The following ADAMTSL1 variants were observed in gnomAD, a reference collection of about 807,000 sequenced individuals.
The protein encoded by ADAMTSL1 is ADAMTS-like protein 1.
In ADAMTSL1, 126 loss-of-function variants were observed where a neutral mutation model predicts 201.8. The ratio of observed to expected loss-of-function variants is 0.62; its 90% CI spans 0.54 to 0.72. ADAMTSL1 has a LOEUF of 0.72. Ranked by LOEUF, ADAMTSL1 falls within the 30% of genes least tolerant of loss-of-function variation. The pLI is 0.00. For missense variants in ADAMTSL1, 2,679 were observed against 2,277.8 expected (o/e 1.18, Z -3.59); for synonymous variants, 1,121 against 903.4 (o/e 1.24, Z -4.32).
At chr9:18,599,440 G>A (rs1033954942) in intron 4 of ADAMTSL1, among the ~76,000 whole-genome samples, 3 of 152,094 alleles carry the variant, frequency 2.0e-5, no homozygotes, top group Non-Finnish European at 4.4e-5. Context: ...TCAGTTTAGA[G>A]GAGCACTGAT....
chr9:18,705,563 T>C (rs1042116195), intron 13 of ADAMTSL1, among the ~76,000 whole-genome samples: 4 of 152,216 alleles, frequency 2.6e-5, no homozygotes, highest in Non-Finnish European at 5.9e-5. Flanking sequence ...TTGAGCACAC[T>C]TGTCTGAATG....
chr9:17,933,806 C>T (rs972378207), intron 1 of ADAMTSL1, among the ~76,000 whole-genome samples: 2 of 152,154 alleles, frequency 1.3e-5, no homozygotes, highest in Non-Finnish European at 1.5e-5. Flanking sequence ...AATCCACCCT[C>T]ATGATCCAGT....
At chr9:18,279,137 T>C (rs13299234) in intron 2 of ADAMTSL1, among the ~76,000 whole-genome samples, 7,067 of 152,280 alleles carry the variant, frequency 0.046, 252 homozygotes, top group Non-Finnish European at 0.075. Context: ...TTAGGATGTT[T>C]ACAGTTGTCC....
At chr9:18,288,259 G>A (rs905481178) in intron 2 of ADAMTSL1, among the ~76,000 whole-genome samples, 5 of 152,106 alleles carry the variant, frequency 3.3e-5, no homozygotes, top group Non-Finnish European at 2.9e-5. Context: ...GAAATCCCAG[G>A]TCAATGTCTC....
chr9:17,942,690 A>G (rs930150058), intron 1 of ADAMTSL1, among the ~76,000 whole-genome samples: 2 of 151,772 alleles, frequency 1.3e-5, no homozygotes, highest in East Asian at 3.9e-4. Context: ...TGCTCCCAAC[A>G]CCTGTGGAGT....
At chr9:18,324,261 GA>G (rs1178520918) in intron 2 of ADAMTSL1, among the ~76,000 whole-genome samples, 2 of 152,068 alleles carry the variant, frequency 1.3e-5, no homozygotes, top group African/African-American at 4.8e-5. Context: ...AAACATATGG[GA>G]AAAATGAACA....
chr9:18,222,923 G>C (rs1261883303), intron 2 of ADAMTSL1, among the ~76,000 whole-genome samples: 1 of 151,928 alleles, frequency 6.6e-6, no homozygotes. Context: ...AAATAGAGCT[G>C]CCAGTGTAAT....
At chr9:18,771,374 C>A (rs1410879977) in intron 17 of ADAMTSL1, among the ~76,000 whole-genome samples, 1 of 152,216 alleles carries the variant, frequency 6.6e-6, no homozygotes, top group African/African-American at 2.4e-5. Context: ...TTCACCATTC[C>A]CGACTTTATC....
intron 10 of ADAMTSL1, among the ~76,000 whole-genome samples, chr9:18,678,024 T>C (rs16936961): frequency 0.11 from 16,769 of 152,064 alleles, 1,164 homozygotes; most frequent in South Asian, 0.22. Flanking sequence ...CAGGTATAGA[T>C]ACAAAACACA....
intron 4 of ADAMTSL1, among the ~76,000 whole-genome samples, chr9:18,594,713 C>A (rs575064020): frequency 6.6e-6 from 1 of 152,180 alleles, no homozygotes; most frequent in South Asian, 2.1e-4. Context: ...TTTGAATGAA[C>A]TCTCTGTCTC....
intron 23 of ADAMTSL1, among the ~76,000 whole-genome samples, chr9:18,830,418 C>G (rs1341808709): frequency 1.3e-5 from 2 of 152,204 alleles, no homozygotes; most frequent in East Asian, 3.8e-4. Context: ...TCAGCACCCT[C>G]CAAAAGGAAG....
At chr9:18,250,152 A>G (rs1831409798) in intron 2 of ADAMTSL1, among the ~76,000 whole-genome samples, 2 of 152,186 alleles carry the variant, frequency 1.3e-5, no homozygotes, top group African/African-American at 2.4e-5. Flanking sequence ...TTCTATTTTA[A>G]GTACATTTGA....
At chr9:18,375,993 C>T (rs1297739397) in intron 2 of ADAMTSL1, among the ~76,000 whole-genome samples, 1 of 152,132 alleles carries the variant, frequency 6.6e-6, no homozygotes, top group Non-Finnish European at 1.5e-5. Flanking sequence ...TTTTACAATC[C>T]TAGCTACAGA....
intron 3 of ADAMTSL1, among the ~76,000 whole-genome samples, chr9:18,555,087 G>T (rs1423963200): frequency 6.6e-6 from 1 of 151,842 alleles, no homozygotes; most frequent in Non-Finnish European, 1.5e-5. Flanking sequence ...TTAGTTTGGT[G>T]TTTTTTAGGA....
intron 13 of ADAMTSL1, among the ~76,000 whole-genome samples, chr9:18,685,450 G>A (rs758887717): frequency 9.2e-5 from 14 of 152,206 alleles, no homozygotes; most frequent in Non-Finnish European, 1.3e-4. Flanking sequence ...GATTTCATTA[G>A]AAAACACTGA....
intron 1 of ADAMTSL1, among the ~76,000 whole-genome samples, chr9:18,102,844 C>T (rs1329926): frequency 0.19 from 28,997 of 151,906 alleles, 4,654 homozygotes; most frequent in African/African-American, 0.43. Flanking sequence ...TCAAAAGTTT[C>T]GAAATAATAG....
intron 2 of ADAMTSL1, among the ~76,000 whole-genome samples, chr9:18,341,576 TATTATA>T (rs1358643569): frequency 3.3e-5 from 5 of 152,174 alleles, no homozygotes; most frequent in African/African-American, 1.2e-4. Flanking sequence ...TATTGCACTG[TATTATA>T]ATTGCTGGCA....
intron 9 of ADAMTSL1, among the ~76,000 whole-genome samples, chr9:18,674,827 C>G (rs1171356304): frequency 1.3e-5 from 2 of 152,160 alleles, no homozygotes; most frequent in African/African-American, 4.8e-5. Context: ...CTACCATGCT[C>G]TACATCTGTG....
chr9:18,886,186 A>G lies in ADAMTSL1; in HGVS notation c.4250-1645A>G, dbSNP rs574449153. Among the ~76,000 whole-genome samples the G allele has an allele frequency of 4.5e-4, 59 of 129,756 alleles. 2 individuals carry two copies. The highest frequency in any genetic ancestry group is 1.0e-3 in the Admixed American group (13 of 13,016). The allele number at this position is 129,756 out of a possible 152,430, so 85.1% of individuals were successfully genotyped here. A position where few individuals can be genotyped will look rare whatever the true frequency, so the allele number is the denominator to read the frequency against. ...TATGTGTATATATATATATATATAT[A>G]TATATATATATATATATATATATAT... On this transcript the variant is annotated intron_variant, in intron 23 of 28. Coordinates refer to ENST00000380548, the MANE Select transcript of ADAMTSL1 (RefSeq NM_001040272.6).
Sources: allele counts gnomAD v4.1 joint callset (sites outside exome capture counted in the v4.1 genomes callset), GRCh38; gene constraint gnomAD v4.1.1; transcripts MANE v1.5; gene names NCBI Gene and HGNC (gene_info 2026-07-23, HGNC 2026-07-21).